TRPC4: variants seen among roughly 807,000 people sequenced by gnomAD.
The protein encoded by TRPC4 is short transient receptor potential channel 4.
A neutral mutation model predicts 99.4 loss-of-function variants in TRPC4; 49 were observed. The ratio of observed to expected loss-of-function variants is 0.49; its 90% CI spans 0.39 to 0.63. The LOEUF (loss-of-function observed/expected upper bound fraction) is 0.63. TRPC4 is among the 20% of genes least tolerant of loss of function. TRPC4 has a pLI of 0.00. For synonymous variants in TRPC4, 454 were observed against 425.9 expected (o/e 1.07, Z -0.81); for missense variants, 898 against 1,152.9 (o/e 0.78, Z 3.20).
intron 2 of TRPC4, among the ~76,000 whole-genome samples, chr13:37,756,657 C>T (rs975112248): frequency 2.6e-5 from 4 of 151,636 alleles, no homozygotes; most frequent in African/African-American, 4.8e-5. Flanking sequence ...CTCAGCCTCC[C>T]GAGTAGCTGG....
chr13:37,648,670 C>T (rs1219826075), intron 8 of TRPC4, among the ~76,000 whole-genome samples: 1 of 152,064 alleles, frequency 6.6e-6, no homozygotes, highest in Non-Finnish European at 1.5e-5. Flanking sequence ...CTTTTGAGAC[C>T]AGTAATATAT....
intron 5 of TRPC4, among the ~76,000 whole-genome samples, chr13:37,664,251 A>G (rs918163148): frequency 6.6e-6 from 1 of 152,200 alleles, no homozygotes; most frequent in Admixed American, 6.5e-5. Context: ...TTAACTGTGT[A>G]CTATCGAGGT....
intron 3 of TRPC4, among the ~76,000 whole-genome samples, chr13:37,700,838 A>G (rs1954081571): frequency 1.3e-5 from 2 of 152,154 alleles, no homozygotes; most frequent in African/African-American, 4.8e-5. Context: ...CTTAAGGTTG[A>G]GAATAAGATC....
intron 8 of TRPC4, among the ~76,000 whole-genome samples, chr13:37,646,988 T>C (rs1459454283): frequency 6.6e-6 from 1 of 152,212 alleles, no homozygotes; most frequent in Admixed American, 6.5e-5. Flanking sequence ...AAGTGAAAGA[T>C]TAATTTACCT....
At chr13:37,692,524 C>A (rs1295531068) in intron 3 of TRPC4, among the ~76,000 whole-genome samples, 189 bp from the exon 4 acceptor site, 1 of 152,152 alleles carries the variant, frequency 6.6e-6, no homozygotes, top group Non-Finnish European at 1.5e-5. Flanking sequence ...TTATTCTACC[C>A]AAGGCACAGT....
intron 4 of TRPC4, 92 bp from the exon 5 acceptor site, chr13:37,674,459 A>G (rs1952975668): frequency 1.5e-6 from 2 of 1,335,866 alleles, no homozygotes; most frequent in Non-Finnish European, 1.0e-6. Flanking sequence ...TCTCGAAGCT[A>G]CAAGAGACCA....
intron 1 of TRPC4, among the ~76,000 whole-genome samples, chr13:37,833,075 A>T (rs1242712562): frequency 6.6e-6 from 1 of 151,470 alleles, no homozygotes; most frequent in African/African-American, 2.4e-5. Context: ...TTTCTTGTTT[A>T]TCTCTTCCTA....
At position 37,746,346 on chromosome 13, in the gene TRPC4, T is replaced by A. The variant is rs765566049; in HGVS notation, c.488A>T (p.Gln163Leu). Residue 163 changes from glutamine (Q) to leucine (L), a missense_variant, in exon 3 of 11, where the codon CAG (glutamine) becomes CTG (leucine). Gln to Leu is a moderately radical substitution (Grantham distance 113). Around this residue, in one of 3 missense-constraint regions of TRPC4, gnomAD observed 278 missense variants for 346.6 expected, o/e 0.80. Transcript: ENST00000379705. ...GGGTCGAGGCACTGAGACTCCTTTC[T>A]GAACCAAGAGTTTTATTATCTCATA... ...NNYEIIKLLV[Q>L]KGVSVPRPHE... 17 of 1,613,724 alleles carry A rather than the reference T, an allele frequency of 1.1e-5. No homozygotes were observed. The highest frequency in any genetic ancestry group is 1.4e-5 in the Non-Finnish European group (17 of 1,179,848).
intron 3 of TRPC4, among the ~76,000 whole-genome samples, chr13:37,723,612 C>T (rs1361069506): frequency 2.0e-5 from 3 of 152,084 alleles, no homozygotes; most frequent in Non-Finnish European, 2.9e-5. Context: ...TACAGTGGTG[C>T]TATCACAGCT....
At chr13:37,760,931 T>C (rs1956206602) in intron 2 of TRPC4, among the ~76,000 whole-genome samples, 1 of 151,932 alleles carries the variant, frequency 6.6e-6, no homozygotes, top group Non-Finnish European at 1.5e-5. Flanking sequence ...GACTATTCTT[T>C]ATTGGAAGCC....
chr13:37,676,267 GAAA>G (rs10710897), intron 4 of TRPC4, among the ~76,000 whole-genome samples: 1 of 128,266 alleles, frequency 7.8e-6, no homozygotes, highest in African/African-American at 3.0e-5. Context: ...AAGCAGCCAA[GAAA>G]AAAAAAAAAA....
intron 4 of TRPC4, among the ~76,000 whole-genome samples, chr13:37,685,009 T>G (rs2138835730): frequency 6.6e-6 from 1 of 152,232 alleles, no homozygotes; most frequent in South Asian, 2.1e-4. Flanking sequence ...ACATAATATG[T>G]TTTAGATTAG....
rs560058779 is a variant in TRPC4, at chr13:37,768,570, A to G, written c.378+14386T>C. 1.5e-3 allele frequency among the ~76,000 whole-genome samples: 225 copies of G among 151,538 alleles called. 2 individuals carry two copies. The highest frequency in any genetic ancestry group is 4.7e-3 in the African/African-American group (193 of 41,456). ...ACTCAAGTGTTTAGAGTCAAGAATG[A>G]AATATTTTAGCAATTTACAAGTTCT... On this transcript the variant is annotated intron_variant, in intron 2 of 10. Transcript: ENST00000379705.
chr13:37,838,745 T>C (rs1958642650), intron 1 of TRPC4, among the ~76,000 whole-genome samples: 1 of 152,190 alleles, frequency 6.6e-6, no homozygotes, highest in Non-Finnish European at 1.5e-5. Flanking sequence ...ATATTCTTAC[T>C]CTTGTATAGA....
chr13:37,730,471 C>T (rs1045679060), intron 3 of TRPC4, among the ~76,000 whole-genome samples: 7 of 151,980 alleles, frequency 4.6e-5, no homozygotes, highest in African/African-American at 1.4e-4. Context: ...AATTAACTGT[C>T]TTTTCTGTAA....
intron 2 of TRPC4, among the ~76,000 whole-genome samples, chr13:37,780,005 ACTTTT>A (rs1956798441): frequency 1.3e-5 from 2 of 152,100 alleles, no homozygotes; most frequent in East Asian, 1.9e-4. Flanking sequence ...TTCCCATGAT[ACTTTT>A]CTTTTCTGTA....
intron 6 of TRPC4, among the ~76,000 whole-genome samples, chr13:37,660,551 T>G (rs1593455303): frequency 6.6e-6 from 1 of 152,182 alleles, no homozygotes; most frequent in South Asian, 2.1e-4. Flanking sequence ...AAATATTGGG[T>G]TCAAAATTTT....
chr13:37,736,528 T>G (rs775979561), intron 3 of TRPC4, among the ~76,000 whole-genome samples: 2 of 152,086 alleles, frequency 1.3e-5, no homozygotes, highest in Non-Finnish European at 2.9e-5. Context: ...ACGCCTAAAA[T>G]ATATTTTAAA....
At chr13:37,669,412 T>A (rs1952760397) in intron 5 of TRPC4, among the ~76,000 whole-genome samples, 1 of 152,152 alleles carries the variant, frequency 6.6e-6, no homozygotes, top group African/African-American at 2.4e-5. Context: ...GAGAAAATGA[T>A]TGACAAACTT....
Sources: allele counts gnomAD v4.1 joint callset (sites outside exome capture counted in the v4.1 genomes callset), GRCh38; gene constraint gnomAD v4.1.1; regional missense constraint gnomAD v4.1.1; transcripts MANE v1.5; gene names NCBI Gene and HGNC (gene_info 2026-07-23, HGNC 2026-07-21).